Variants in MAP2K6 observed in about 807,000 individuals in gnomAD.
MAP2K6 encodes dual specificity mitogen-activated protein kinase kinase 6.
A neutral mutation model predicts 53.7 loss-of-function variants in MAP2K6; 16 were observed. The ratio of observed to expected loss-of-function variants is 0.30; its 90% CI spans 0.20 to 0.45. The LOEUF (loss-of-function observed/expected upper bound fraction) is 0.45, where lower values mean the gene tolerates loss of function less well. MAP2K6 is among the 20% of genes least tolerant of loss of function. MAP2K6 has a pLI of 1.00. For synonymous variants in MAP2K6, 132 were observed against 143.1 expected, an observed-to-expected ratio of 0.92 and a Z score of 0.55; for missense variants, 204 against 411.9, an observed-to-expected ratio of 0.50 and a Z score of 4.37.
intron 1 of MAP2K6, among the ~76,000 whole-genome samples, chr17:69,472,456 C>G (rs1908011585): frequency 6.6e-6 from 1 of 152,132 alleles, no homozygotes; most frequent in South Asian, 2.1e-4. Flanking sequence ...TTTGTACATT[C>G]TGCCCGTGTC....
chr17:69,445,607 A>G lies in MAP2K6; in HGVS notation c.16+30607A>G, dbSNP rs1567820057. 2.0e-5 allele frequency among the ~76,000 whole-genome samples: 3 copies of G among 152,162 alleles called. No individual in the cohort carries two copies. The South Asian group carries it at 6.2e-4, about 31-fold the overall frequency. ...TAACGTGTTTTGGGCTTACATGACT[A>G]CCAGTTGGTGAACCCAAGGCTAGGA... On this transcript the variant is annotated intron_variant, in intron 1 of 11. Transcript: ENST00000590474.
intron 2 of MAP2K6, among the ~76,000 whole-genome samples, chr17:69,508,113 G>A (rs977627097): frequency 4.0e-5 from 5 of 123,782 alleles, no homozygotes; most frequent in East Asian, 2.8e-4. Flanking sequence ...GTGCAATGGC[G>A]TGATCTCGGC....
At chr17:69,421,005 T>G (rs1201236932) in intron 1 of MAP2K6, among the ~76,000 whole-genome samples, 2 of 152,238 alleles carry the variant, frequency 1.3e-5, no homozygotes, top group Non-Finnish European at 1.5e-5. Context: ...TTGCCTTTTA[T>G]GGACTGTCTT....
chr17:69,542,975 T>C lies in MAP2K6; in HGVS notation c.*1222T>C, dbSNP rs1911712661. The C allele has an allele frequency of 6.6e-6, 1 of 152,222 alleles. No individual in the cohort carries two copies. The highest frequency in any genetic ancestry group is 2.1e-4 in the South Asian group (1 of 4,832). 9.4% of individuals were successfully genotyped at this position (152,222 alleles called of 1,614,324 possible). ...GACTACCAGATGACCACAAGTTGCG[T>C]TGAGGCCGCATCTTTCTTCAGCAGC... On this transcript the variant is annotated 3_prime_UTR_variant, in exon 12 of 12. Transcript: ENST00000590474.
At position 69,463,306 on chromosome 17, in the gene MAP2K6, G is replaced by A. The variant is rs188996536; in HGVS notation, c.17-42474G>A. On this transcript the variant is annotated intron_variant, in intron 1 of 11. Coordinates refer to ENST00000590474, the MANE Select transcript of MAP2K6 (RefSeq NM_002758.4). ...TATATGTGTGTGTATATACTTATATGTATATATATATCACTATATAATAGT... is the reference window on the plus strand; with the variant it reads ...TATATGTGTGTGTATATACTTATATATATATATATATCACTATATAATAGT... 2.7e-5 allele frequency among the ~76,000 whole-genome samples: 4 copies of A among 149,000 alleles called. No individual in the cohort carries two copies. The Admixed American group carries it at 2.7e-4, about 10-fold the overall frequency.
Position 69,548,311 on chromosome 17 carries a change from T to C in MAP2K6, c.*6558T>C, listed in dbSNP as rs911919628. The C allele has an allele frequency of 1.3e-5, 2 of 152,176 alleles. No homozygotes were observed. The highest frequency in any genetic ancestry group is 4.8e-5 in the African/African-American group (2 of 41,438). The allele number at this position is 152,176 out of a possible 1,614,324, so 9.4% of individuals were successfully genotyped here. The stretch of plus-strand genomic sequence containing the variant: ...GCCCTGAAGCCTCTAGTGGAAATCT[T>C]GTCTTCCCTATAGAACGAGAACAGC... On this transcript the variant is annotated 3_prime_UTR_variant, in exon 12 of 12. Coordinates refer to ENST00000590474, the MANE Select transcript of MAP2K6 (RefSeq NM_002758.4).
rs542749963 is a variant in MAP2K6 at position 69,465,986 on chromosome 17, C to G, written c.17-39794C>G. On this transcript the variant is annotated intron_variant, in intron 1 of 11. Coordinates refer to ENST00000590474, the MANE Select transcript of MAP2K6 (RefSeq NM_002758.4). Reference sequence around the variant, plus strand: ...CCTCCACTTCTTAGAAATATATAGACCTTTGGCTGGGTGTGGTGGCTCATG... The same window carrying G: ...CCTCCACTTCTTAGAAATATATAGAGCTTTGGCTGGGTGTGGTGGCTCATG... Among the ~76,000 whole-genome samples the G allele has an allele frequency of 8.7e-5, 13 of 149,622 alleles. 1 individual carries two copies. The South Asian group carries it at 2.4e-3, about 27-fold the overall frequency.
intron 1 of MAP2K6, among the ~76,000 whole-genome samples, chr17:69,427,658 T>G (rs1021507024): frequency 2.6e-5 from 4 of 152,244 alleles, no homozygotes; most frequent in African/African-American, 9.6e-5. Flanking sequence ...TCACCCCTCC[T>G]CAGATTCATG....
In MAP2K6 at chr17:69,523,633, T is replaced by C; in HGVS notation, c.655T>C (p.Tyr219His). The C allele has an allele frequency of 6.2e-7, 1 of 1,614,042 alleles. No individual in the cohort carries two copies. Among genetic ancestry groups the C allele is most frequent in the Non-Finnish European group, 8.5e-7 (1 of 1,179,890 alleles). The stretch of plus-strand genomic sequence containing the variant: ...AACAATTGATGCAGGTTGCAAACCA[T>C]ACATGGCCGTAAGTACATTAGCTAG... Reference protein sequence around the residue: ...AKTIDAGCKPYMAPERINPEL... With the variant: ...AKTIDAGCKPHMAPERINPEL... The change falls in exon 8 of 12, where the codon TAC (tyrosine) becomes CAC (histidine). Residue 219 changes from tyrosine to histidine, a missense_variant. Coordinates refer to ENST00000590474, the MANE Select transcript of MAP2K6 (RefSeq NM_002758.4).
intron 2 of MAP2K6, among the ~76,000 whole-genome samples, chr17:69,507,594 T>C (rs1909577582): frequency 7.1e-6 from 1 of 141,700 alleles, no homozygotes; most frequent in Non-Finnish European, 1.5e-5. Context: ...CTTTTTGAGA[T>C]TTTTTTTTGT....
At chr17:69,440,158 C>T (rs1906772399) in intron 1 of MAP2K6, among the ~76,000 whole-genome samples, 1 of 152,106 alleles carries the variant, frequency 6.6e-6, no homozygotes, top group South Asian at 2.1e-4. Flanking sequence ...AGTGATTCTA[C>T]TGCCTCAGCC....
chr17:69,431,198 A>G (rs543192330), intron 1 of MAP2K6, among the ~76,000 whole-genome samples: 1 of 152,138 alleles, frequency 6.6e-6, no homozygotes, highest in African/African-American at 2.4e-5. Context: ...TATACCGTTA[A>G]TGGGTGCAGA....
intron 1 of MAP2K6, among the ~76,000 whole-genome samples, chr17:69,504,788 A>G (rs1187864194): frequency 6.6e-6 from 1 of 152,200 alleles, no homozygotes; most frequent in Non-Finnish European, 1.5e-5. Flanking sequence ...CCCAGGTGTG[A>G]TCAACATCAA....
At chr17:69,498,685 C>CACACACACACACAG (rs1909039769) in intron 1 of MAP2K6, among the ~76,000 whole-genome samples, 1 of 151,204 alleles carries the variant, frequency 6.6e-6, no homozygotes, top group Admixed American at 6.6e-5. Context: ...CACACACACA[C>CACACACACACACAG]GTGCACGCAG....
chr17:69,467,877 T>G (rs577276549), intron 1 of MAP2K6, among the ~76,000 whole-genome samples: 183 of 152,022 alleles, frequency 1.2e-3, no homozygotes, highest in African/African-American at 4.2e-3. Context: ...GTGATTCTCC[T>G]GCCTCAGCCT....
chr17:69,470,035 C>T (rs1598277623), intron 1 of MAP2K6, among the ~76,000 whole-genome samples: 1 of 151,960 alleles, frequency 6.6e-6, no homozygotes, highest in African/African-American at 2.4e-5. Flanking sequence ...AACCCCATCT[C>T]TACAAAAAAA....
intron 1 of MAP2K6, among the ~76,000 whole-genome samples, chr17:69,449,489 C>CCTTTCTTT (rs145557739): frequency 0.23 from 25,280 of 112,012 alleles, 3,393 homozygotes; most frequent in Admixed American, 0.31. Flanking sequence ...TGTTGGTTGT[C>CCTTTCTTT]CTTTCTTTCT....
In MAP2K6 at chr17:69,549,589, A is replaced by C. The variant is rs2144891652; in HGVS notation, c.*7836A>C. On this transcript the variant is annotated 3_prime_UTR_variant, in exon 12 of 12. Coordinates refer to ENST00000590474, the MANE Select transcript of MAP2K6 (RefSeq NM_002758.4). ...AATTTTGTATCAGGCTGCCTAAATG[A>C]ACCCTATTGTTTCCAGTTCTTAAAA... 1 of 152,298 alleles carries C rather than the reference A, an allele frequency of 6.6e-6. No homozygotes were observed. The highest frequency in any genetic ancestry group is 1.9e-4 in the East Asian group (1 of 5,192). 9.4% of individuals were successfully genotyped at this position (152,298 alleles called of 1,614,324 possible).
At chr17:69,480,268 G>A (rs1006149284) in intron 1 of MAP2K6, among the ~76,000 whole-genome samples, 1 of 152,034 alleles carries the variant, frequency 6.6e-6, no homozygotes, top group African/African-American at 2.4e-5. Context: ...AAACACCATG[G>A]CAGCAACCCT....
Sources: gnomAD v4.1 joint callset for allele counts (sites outside exome capture counted in the v4.1 genomes callset) on GRCh38, gnomAD v4.1.1 for gene constraint, MANE v1.5 for transcripts, NCBI Gene and HGNC (gene_info 2026-07-23, HGNC 2026-07-21) for gene names.